The following RTF1 variants were observed in gnomAD, a reference collection of about 807,000 sequenced individuals.
RTF1 encodes RNA polymerase-associated protein RTF1 homolog.
RTF1 carries 10 observed loss-of-function variants against 95.7 expected under a neutral mutation model. The observed-to-expected ratio is 0.10, with a 90% CI of 0.06 to 0.18. The LOEUF (loss-of-function observed/expected upper bound fraction) is 0.18, where lower values mean the gene tolerates loss of function less well. RTF1 is among the 10% of genes least tolerant of loss of function. The probability of loss-of-function intolerance (pLI) is 1.00; values close to 1 mark genes in which losing one functional copy is unlikely to be tolerated. For missense variants in RTF1, 458 were observed against 875.6 expected (o/e 0.52, Z 6.02); for synonymous variants, 305 against 311.8 (o/e 0.98, Z 0.23).
chr15:41,439,797 ACGCACCACAG>A (rs1455488612), intron 2 of RTF1, among the ~76,000 whole-genome samples: 2 of 151,758 alleles, frequency 1.3e-5, no homozygotes, highest in Non-Finnish European at 2.9e-5. Context: ...AACTACAAGC[ACGCACCACAG>A]TGCCCGGCTG....
At chr15:41,479,432 A>G (rs75056972) in intron 16 of RTF1, among the ~76,000 whole-genome samples, 1,982 of 152,302 alleles carry the variant, frequency 0.013, 43 homozygotes, top group African/African-American at 0.046. Flanking sequence ...GCTGGCTTCC[A>G]GCCCTCAGCA....
intron 1 of RTF1, among the ~76,000 whole-genome samples, chr15:41,424,664 G>A (rs1434545657): frequency 1.3e-5 from 2 of 152,176 alleles, no homozygotes; most frequent in East Asian, 3.8e-4. Context: ...ACATGTAGAT[G>A]TATACTGGGT....
intron 15 of RTF1, 192 bp downstream of exon 15, chr15:41,478,817 G>A: frequency 1.6e-6 from 1 of 619,616 alleles, no homozygotes; most frequent in Non-Finnish European, 2.8e-6. Context: ...ACGTGGCATG[G>A]ATTTATAAAA....
At chr15:41,444,732 TATATTG>T (rs1320686167) in intron 2 of RTF1, among the ~76,000 whole-genome samples, 1 of 152,200 alleles carries the variant, frequency 6.6e-6, no homozygotes. Context: ...TTTCCTCTGT[TATATTG>T]GTAAGAAGTG....
chr15:41,441,222 C>T (rs1223180092), intron 2 of RTF1, among the ~76,000 whole-genome samples: 3 of 151,966 alleles, frequency 2.0e-5, no homozygotes, highest in Admixed American at 6.6e-5. Flanking sequence ...CCGCCCGCCT[C>T]GGCCTCCCAA....
intron 3 of RTF1, among the ~76,000 whole-genome samples, chr15:41,456,910 C>G (rs2050821035): frequency 6.6e-6 from 1 of 151,790 alleles, no homozygotes; most frequent in Admixed American, 6.6e-5. Flanking sequence ...ACGGTGAAAC[C>G]CCATCTCTAC....
intron 1 of RTF1, among the ~76,000 whole-genome samples, chr15:41,434,344 C>A (rs1194162007): frequency 6.6e-6 from 1 of 152,062 alleles, no homozygotes; most frequent in Non-Finnish European, 1.5e-5. Context: ...TGGAATACTA[C>A]TTAGCAAAAA....
intron 1 of RTF1, among the ~76,000 whole-genome samples, chr15:41,431,803 C>CG (rs1302624188): frequency 1.4e-5 from 2 of 144,030 alleles, no homozygotes; most frequent in African/African-American, 5.1e-5. Context: ...CTGGCTCATA[C>CG]TTTTTTTTTT....
chr15:41,430,006 C>CTTTTTTTTTTTTTTTTTT (rs1410593149), intron 1 of RTF1, among the ~76,000 whole-genome samples: 4 of 143,030 alleles, frequency 2.8e-5, no homozygotes, highest in Admixed American at 7.0e-5. Context: ...TTTATTTTTT[C>CTTTTTTTTTTTTTTTTTT]TTTTCTTTTT....
Position 41,466,218 on chromosome 15 carries a change from A to C in RTF1, c.855A>C (p.Leu285=), listed in dbSNP as rs1312221155. ...AGAAATCTCAAGCCATGGAGGAGCTAAAAGCAGAGCGAGAAAAACGAAAGA... is the reference window on the plus strand; with the variant it reads ...AGAAATCTCAAGCCATGGAGGAGCTCAAAGCAGAGCGAGAAAAACGAAAGA... ...LDKKSQAMEE[L]KAEREKRKNR... Residue 285 remains leucine (L), a synonymous_variant, in exon 6 of 18, where the codon CTA becomes CTC. Coordinates refer to ENST00000389629, the MANE Select transcript of RTF1 (RefSeq NM_015138.5). 6.3e-7 allele frequency: 1 copy of C among 1,591,380 alleles called. No individual in the cohort carries two copies. Among genetic ancestry groups the C allele is most frequent in the Admixed American group, 1.8e-5 (1 of 55,354 alleles).
chr15:41,476,568 T>G (rs746299402), intron 12 of RTF1, 45 bp downstream of exon 12: 1 of 1,542,484 alleles, frequency 6.5e-7, no homozygotes, highest in Non-Finnish European at 9.0e-7. Context: ...TGTAAGGAGA[T>G]GTGGAAATCA....
At chr15:41,463,506 C>T (rs1018927409) in intron 4 of RTF1, among the ~76,000 whole-genome samples, 6 of 152,142 alleles carry the variant, frequency 3.9e-5, no homozygotes, top group Non-Finnish European at 8.8e-5. Context: ...GAGACAGGGT[C>T]TCACTCTGTC....
chr15:41,478,410 T>TTA, intron 14 of RTF1, 138 bp from the exon 15 acceptor site: 1 of 535,606 alleles, frequency 1.9e-6, no homozygotes, highest in African/African-American at 2.3e-5. Flanking sequence ...CAAAAAAAAT[T>TTA]AAAAAAAAAA....
chr15:41,438,273 T>A (rs138016818), intron 1 of RTF1, 48 bp from the exon 2 acceptor site: 13,999 of 1,289,148 alleles, frequency 0.011, 106 homozygotes, highest in Non-Finnish European at 0.012. Context: ...TTCTTGGATA[T>A]TCTTTCTCTG....
At chr15:41,434,565 A>T (rs1378920637) in intron 1 of RTF1, among the ~76,000 whole-genome samples, 1 of 151,952 alleles carries the variant, frequency 6.6e-6, no homozygotes. Context: ...ATGGAACTGT[A>T]GAGTGTAGAT....
intron 2 of RTF1, among the ~76,000 whole-genome samples, chr15:41,443,598 G>C (rs112202149): frequency 7.6e-4 from 100 of 131,218 alleles, no homozygotes; most frequent in African/African-American, 2.5e-3. Flanking sequence ...TCATGAGTTG[G>C]GGTTAAAAAA....
chr15:41,428,617 A>T (rs2050651634), intron 1 of RTF1, among the ~76,000 whole-genome samples: 1 of 150,664 alleles, frequency 6.6e-6, no homozygotes, highest in Non-Finnish European at 1.5e-5. Context: ...CTGTTACCCA[A>T]GCTGAAGTGC....
At chr15:41,475,951 A>G in intron 11 of RTF1, 132 bp downstream of exon 11, 1 of 593,624 alleles carries the variant, frequency 1.7e-6, no homozygotes. Context: ...TAATATTACT[A>G]CCTGATTATT....
rs1334289233 is a variant in RTF1, at chr15:41,471,212, C to T, written c.1066C>T (p.Pro356Ser). The part of the protein sequence containing the change: ...IPPKSQPVSL[P>S]EELNRVRLSR... ...TCCCAAATCCCAACCAGTTTCCTTA[C>T]CTGAAGAATTGAATCGGGTTCGATT... is the stretch of plus-strand genomic sequence containing the variant. Residue 356 changes from proline (P) to serine (S), a missense_variant, in exon 8 of 18, where the codon CCT becomes TCT. Coordinates refer to ENST00000389629, the MANE Select transcript of RTF1 (RefSeq NM_015138.5). 6.2e-7 allele frequency: 1 copy of T among 1,613,194 alleles called. No individual in the cohort carries two copies. The highest frequency in any genetic ancestry group is 2.2e-5 in the East Asian group (1 of 44,846).
Sources: allele counts gnomAD v4.1 joint callset (sites outside exome capture counted in the v4.1 genomes callset), GRCh38; gene constraint gnomAD v4.1.1; transcripts MANE v1.5; gene names NCBI Gene and HGNC (gene_info 2026-07-23, HGNC 2026-07-21).